The following SMOC2 variants were observed in gnomAD, a reference collection of about 807,000 sequenced individuals.
SMOC2 encodes the protein SPARC-related modular calcium-binding protein 2.
Under a neutral mutation model 61.4 loss-of-function variants are expected in SMOC2, and 39 were observed. That is an observed-to-expected ratio of 0.64 (90% CI 0.49 to 0.83). SMOC2 has a LOEUF of 0.83. Ranked by LOEUF, SMOC2 falls within the 40% of genes least tolerant of loss-of-function variation. The pLI is 0.00. For synonymous variants in SMOC2, 247 were observed against 239.9 expected (o/e 1.03, Z -0.27); for missense variants, 556 against 592.9 (o/e 0.94, Z 0.65).
intron 7 of SMOC2, among the ~76,000 whole-genome samples, chr6:168,573,688 C>G (rs1483416520): frequency 6.6e-6 from 1 of 152,160 alleles, no homozygotes; most frequent in Non-Finnish European, 1.5e-5. Context: ...CTGGTATCCG[C>G]TTCACACCAC....
chr6:168,549,842 T>A (rs1358654401), intron 7 of SMOC2, among the ~76,000 whole-genome samples: 1 of 152,246 alleles, frequency 6.6e-6, no homozygotes, highest in African/African-American at 2.4e-5. Context: ...AAACTATAGC[T>A]TTAGTTAATA....
intron 9 of SMOC2, among the ~76,000 whole-genome samples, chr6:168,618,118 C>T (rs545356517): frequency 3.9e-5 from 6 of 152,368 alleles, no homozygotes; most frequent in African/African-American, 7.2e-5. Context: ...CCTGGACCAT[C>T]GCCCCAGGGC....
chr6:168,615,050 C>T (rs1450486523), intron 9 of SMOC2, among the ~76,000 whole-genome samples: 1 of 102,394 alleles, frequency 9.8e-6, no homozygotes, highest in African/African-American at 3.8e-5. Flanking sequence ...CATCTACAGC[C>T]AGCACAGGGC....
chr6:168,511,814 G>GTTT (rs56346133), intron 2 of SMOC2, among the ~76,000 whole-genome samples: 2 of 142,804 alleles, frequency 1.4e-5, no homozygotes, highest in Admixed American at 7.0e-5. Flanking sequence ...ATCAAGGGTT[G>GTTT]TTTTTTTTTT....
At chr6:168,464,686 C>G (rs1016956187) in intron 1 of SMOC2, among the ~76,000 whole-genome samples, 4 of 152,086 alleles carry the variant, frequency 2.6e-5, no homozygotes, top group Admixed American at 1.3e-4. Context: ...TGTGCCACAG[C>G]CTTTTAAACA....
intron 1 of SMOC2, among the ~76,000 whole-genome samples, chr6:168,495,937 T>C (rs1195319512): frequency 6.6e-6 from 1 of 152,232 alleles, no homozygotes; most frequent in Admixed American, 6.5e-5. Flanking sequence ...AGCTCAGGCC[T>C]CAAAGCCTAT....
intron 11 of SMOC2, 47 bp downstream of exon 11, chr6:168,653,275 G>C: frequency 1.9e-6 from 3 of 1,565,818 alleles, no homozygotes; most frequent in Non-Finnish European, 2.6e-6. Context: ...CAGGCCCTGA[G>C]GCCTGGGAGG....
At chr6:168,486,711 C>G (rs946595499) in intron 1 of SMOC2, among the ~76,000 whole-genome samples, 1 of 151,920 alleles carries the variant, frequency 6.6e-6, no homozygotes, top group Admixed American at 6.6e-5. Context: ...ACCTATCTGG[C>G]TTGTTCTGTT....
chr6:168,642,889 G>A lies in SMOC2; in HGVS notation c.908-7792G>A, dbSNP rs1786929016. Reference sequence around the variant, plus strand: ...GCGTCAAATGCTTAATGGAGCAAGTGGGGTACTTGGGAAACATCTCGCACC... The same window carrying A: ...GCGTCAAATGCTTAATGGAGCAAGTAGGGTACTTGGGAAACATCTCGCACC... On this transcript the variant is annotated intron_variant, in intron 9 of 12. Transcript: ENST00000356284. 2.0e-5 allele frequency among the ~76,000 whole-genome samples: 3 copies of A among 152,254 alleles called. No individual in the cohort carries two copies. The South Asian group carries it at 6.2e-4, about 32-fold the overall frequency.
intron 7 of SMOC2, among the ~76,000 whole-genome samples, chr6:168,576,843 A>G (rs1784815139): frequency 6.6e-6 from 1 of 152,060 alleles, no homozygotes; most frequent in East Asian, 1.9e-4. Flanking sequence ...TCTAGTTTAC[A>G]TGCTTAAATT....
intron 2 of SMOC2, among the ~76,000 whole-genome samples, chr6:168,513,612 A>C (rs1783061686): frequency 6.6e-6 from 1 of 152,214 alleles, no homozygotes; most frequent in Admixed American, 6.5e-5. Flanking sequence ...ATTTGCTTCA[A>C]CCTGATTCTT....
chr6:168,600,407 CAAA>C (rs776962137), intron 8 of SMOC2, among the ~76,000 whole-genome samples: 1 of 24,332 alleles, frequency 4.1e-5, no homozygotes, highest in Non-Finnish European at 8.3e-5. Flanking sequence ...AACTCTGCCT[CAAA>C]AAAAAAAAAA....
At chr6:168,447,369 G>A (rs2114989976) in intron 1 of SMOC2, among the ~76,000 whole-genome samples, 1 of 152,206 alleles carries the variant, frequency 6.6e-6, no homozygotes. Flanking sequence ...GCCCAAATTA[G>A]AAGAAACTTC....
intron 7 of SMOC2, among the ~76,000 whole-genome samples, chr6:168,591,664 T>G (rs1785184078): frequency 6.7e-6 from 1 of 149,600 alleles, no homozygotes; most frequent in South Asian, 2.1e-4. Context: ...ATACATATTA[T>G]ATATGTATGC....
At chr6:168,466,418 G>A (rs1781835305) in intron 1 of SMOC2, among the ~76,000 whole-genome samples, 2 of 152,160 alleles carry the variant, frequency 1.3e-5, no homozygotes, top group Admixed American at 1.3e-4. Context: ...CTCGTGCCCT[G>A]CTCCAGGGGC....
At chr6:168,647,539 T>C (rs564682009) in intron 9 of SMOC2, among the ~76,000 whole-genome samples, 1 of 152,330 alleles carries the variant, frequency 6.6e-6, no homozygotes, top group Admixed American at 6.5e-5. Flanking sequence ...ACAGCTGTCA[T>C]GGGAGAAGCG....
intron 1 of SMOC2, among the ~76,000 whole-genome samples, chr6:168,464,413 C>T (rs1408592552): frequency 6.6e-6 from 1 of 152,148 alleles, no homozygotes; most frequent in Non-Finnish European, 1.5e-5. Flanking sequence ...CCATCACTAT[C>T]TGCCAGGAGG....
At chr6:168,634,121 C>T (rs1777607505) in intron 9 of SMOC2, among the ~76,000 whole-genome samples, 2 of 152,146 alleles carry the variant, frequency 1.3e-5, no homozygotes, top group Non-Finnish European at 2.9e-5. Flanking sequence ...TTATAAATTG[C>T]CCAGTCTTGG....
intron 9 of SMOC2, among the ~76,000 whole-genome samples, chr6:168,636,049 A>G (rs1422918201): frequency 6.6e-6 from 1 of 152,136 alleles, no homozygotes; most frequent in Non-Finnish European, 1.5e-5. Context: ...GCAATGAAGG[A>G]GGAATAGCAT....
Sources: gnomAD v4.1 joint callset for allele counts (sites outside exome capture counted in the v4.1 genomes callset) on GRCh38, gnomAD v4.1.1 for gene constraint, MANE v1.5 for transcripts, NCBI Gene and HGNC (gene_info 2026-07-23, HGNC 2026-07-21) for gene names.